The following ADK variants were observed in gnomAD, a reference collection of about 807,000 sequenced individuals.
ADK encodes the protein N6,N6-dimethyladenosine kinase.
Under a neutral mutation model 44.7 loss-of-function variants are expected in ADK, and 24 were observed. The ratio of observed to expected loss-of-function variants is 0.54; its 90% CI spans 0.39 to 0.76. The LOEUF is 0.76. Among genes scored for constraint, ADK ranks in the 30% least tolerant of loss-of-function variants. The pLI is 0.00. For missense variants in ADK, 321 were observed against 425.1 expected (o/e 0.76, Z 2.15); for synonymous variants, 128 against 142.6 (o/e 0.90, Z 0.73).
intron 3 of ADK, among the ~76,000 whole-genome samples, chr10:74,256,017 C>T (rs991999082): frequency 6.6e-6 from 1 of 152,098 alleles, no homozygotes; most frequent in Admixed American, 6.5e-5. Context: ...GTACAAAATC[C>T]TTTGGGTGTT....
chr10:74,520,597 A>T (rs1180202827), intron 6 of ADK, among the ~76,000 whole-genome samples: 2 of 151,904 alleles, frequency 1.3e-5, no homozygotes, highest in African/African-American at 4.8e-5. Context: ...CACTGGTAAA[A>T]AAAAAAAGAG....
At chr10:74,702,560 CT>C (rs1265219819) in intron 10 of ADK, among the ~76,000 whole-genome samples, 1 of 149,384 alleles carries the variant, frequency 6.7e-6, no homozygotes, top group Non-Finnish European at 1.5e-5. Context: ...TCCTTCCTTC[CT>C]TCCTTCCTTC....
chr10:74,300,266 CCTT>C (rs1839967177), intron 3 of ADK, among the ~76,000 whole-genome samples: 2 of 29,708 alleles, frequency 6.7e-5, no homozygotes, highest in Non-Finnish European at 1.9e-4. Flanking sequence ...TTGTTTCCTT[CCTT>C]CCTTCCTTCC....
At chr10:74,409,490 G>C (rs532392994) in intron 6 of ADK, among the ~76,000 whole-genome samples, 1 of 152,266 alleles carries the variant, frequency 6.6e-6, no homozygotes, top group South Asian at 2.1e-4. Context: ...TTTTGTGAGA[G>C]TATGAGACTT....
At chr10:74,355,740 T>A (rs1360729875) in intron 4 of ADK, among the ~76,000 whole-genome samples, 1 of 152,210 alleles carries the variant, frequency 6.6e-6, no homozygotes. Context: ...TTTGGACAAT[T>A]GGTCTGTATC....
At chr10:74,280,646 G>T (rs141185225) in intron 3 of ADK, among the ~76,000 whole-genome samples, 2 of 152,136 alleles carry the variant, frequency 1.3e-5, no homozygotes, top group African/African-American at 2.4e-5. Context: ...TGCTTTTGGG[G>T]CTATGGCAGT....
At chr10:74,303,588 GTTTTTTTTTTTT>G (rs1185036462) in intron 3 of ADK, among the ~76,000 whole-genome samples, 12 of 68,576 alleles carry the variant, frequency 1.7e-4, no homozygotes, top group South Asian at 1.1e-3. Context: ...TTTTAATGTT[GTTTTTTTTTTTT>G]TTTTTTTTTT....
chr10:74,421,275 C>G (rs1198840279), intron 6 of ADK, among the ~76,000 whole-genome samples: 1 of 152,080 alleles, frequency 6.6e-6, no homozygotes, highest in East Asian at 1.9e-4. Context: ...TATGGGTGAA[C>G]AGTTCTGAAC....
intron 2 of ADK, among the ~76,000 whole-genome samples, chr10:74,210,330 GAAAAAAAAAAAAA>G (rs57852507): frequency 2.4e-5 from 2 of 84,920 alleles, no homozygotes; most frequent in Admixed American, 1.6e-4. Context: ...TCCATCTCAG[GAAAAAAAAAAAAA>G]AAAAAAAATA....
intron 9 of ADK, among the ~76,000 whole-genome samples, chr10:74,669,405 T>C (rs1263591899): frequency 6.6e-6 from 1 of 152,206 alleles, no homozygotes; most frequent in Non-Finnish European, 1.5e-5. Context: ...CCAGATTTCA[T>C]GACAGATAAG....
chr10:74,359,767 C>T (rs1592098272), intron 4 of ADK, among the ~76,000 whole-genome samples: 1 of 152,096 alleles, frequency 6.6e-6, no homozygotes, highest in South Asian at 2.1e-4. Flanking sequence ...AACAGTCTTT[C>T]AATTCCAAAA....
chr10:74,169,761 A>G (rs1354337046), intron 1 of ADK, among the ~76,000 whole-genome samples: 1 of 152,240 alleles, frequency 6.6e-6, no homozygotes, highest in East Asian at 1.9e-4. Flanking sequence ...AAACTTGTCC[A>G]TAATGAAAGC....
intron 1 of ADK, among the ~76,000 whole-genome samples, chr10:74,192,690 C>G (rs1842994136): frequency 6.6e-6 from 1 of 152,056 alleles, no homozygotes; most frequent in Admixed American, 6.6e-5. Context: ...CTGCACCCAG[C>G]TAGTAATTTT....
intron 10 of ADK, among the ~76,000 whole-genome samples, chr10:74,702,524 T>TTTCTTTCCTTCCTTCCTTCCTTCC (rs1554900285): frequency 1.7e-5 from 2 of 120,886 alleles, no homozygotes; most frequent in East Asian, 4.4e-4. Context: ...TCCTTCCTTC[T>TTTCTTTCCTTCCTTCCTTCCTTCC]TTCCTTCCTT....
At chr10:74,356,209 G>A (rs1307596871) in intron 4 of ADK, among the ~76,000 whole-genome samples, 3 of 150,104 alleles carry the variant, frequency 2.0e-5, no homozygotes, top group African/African-American at 2.4e-5. Context: ...TAGTAGAGAC[G>A]GGGTTTCACC....
At chr10:74,509,215 A>G (rs1241757024) in intron 6 of ADK, 1 of 149,956 alleles carries the variant, frequency 6.7e-6, no homozygotes, top group East Asian at 1.9e-4. Flanking sequence ...TTTTTTTGAG[A>G]CGGAGTCTCA....
At chr10:74,221,167 CA>C (rs1441947607) in intron 2 of ADK, among the ~76,000 whole-genome samples, 1 of 151,302 alleles carries the variant, frequency 6.6e-6, no homozygotes, top group East Asian at 1.9e-4. Context: ...GCAACTTCAG[CA>C]AAGTCTCAGG....
chr10:74,250,449 G>A (rs1428010896), intron 3 of ADK, among the ~76,000 whole-genome samples: 3 of 152,132 alleles, frequency 2.0e-5, no homozygotes, highest in Non-Finnish European at 4.4e-5. Flanking sequence ...TGTCATGGAG[G>A]GAGAGGTAAA....
At position 74,224,494 on chromosome 10, in the gene ADK, A is replaced by C. The variant is rs371415595; in HGVS notation, c.141-44A>C. ...AAGAGGTCAGCTAACTTACGTTGAC[A>C]CTGTGTGTGTATGAAGAGTGTAATT... On this transcript the variant is annotated intron_variant, in intron 2 of 10. Transcript: ENST00000539909. 2.3e-5 allele frequency: 35 copies of C among 1,518,430 alleles called. No individual in the cohort carries two copies. In the African/African-American group the frequency reaches 4.0e-4, roughly 17 times the overall value. The allele number at this position is 1,518,430 out of a possible 1,614,324, so 94.1% of individuals were successfully genotyped here.
Sources: gnomAD v4.1 joint callset for allele counts (sites outside exome capture counted in the v4.1 genomes callset) on GRCh38, gnomAD v4.1.1 for gene constraint, MANE v1.5 for transcripts, NCBI Gene and HGNC (gene_info 2026-07-23, HGNC 2026-07-21) for gene names.